The following RSRC1 variants were observed in gnomAD, a reference collection of about 807,000 sequenced individuals.
RSRC1 encodes serine/Arginine-related protein 53.
RSRC1 carries 39 observed loss-of-function variants against 49.1 expected under a neutral mutation model. The ratio of observed to expected loss-of-function variants is 0.79; its 90% CI spans 0.61 to 1.04. The LOEUF (loss-of-function observed/expected upper bound fraction) is 1.04, where lower values mean the gene tolerates loss of function less well. RSRC1 is among the 50% of genes least tolerant of loss of function. The pLI, the probability that RSRC1 is intolerant of heterozygous loss-of-function variation, is 0.00. For missense variants in RSRC1, 388 were observed against 402.4 expected, an observed-to-expected ratio of 0.96 and a Z score of 0.31; for synonymous variants, 143 against 130.8, an observed-to-expected ratio of 1.09 and a Z score of -0.63.
chr3:158,517,478 T>G (rs1740637042), intron 7 of RSRC1, among the ~76,000 whole-genome samples: 1 of 152,176 alleles, frequency 6.6e-6, no homozygotes, highest in African/African-American at 2.4e-5. Context: ...GATACTTGCT[T>G]TATCTTTTTT....
chr3:158,195,378 A>T (rs1193517), intron 3 of RSRC1, among the ~76,000 whole-genome samples: 97,166 of 148,592 alleles, frequency 0.65, 31,959 homozygotes, highest in East Asian at 0.84. Context: ...GTTTGAGTTC[A>T]TTGTAGATTC....
chr3:158,220,050 C>A (rs1441593911), intron 4 of RSRC1, among the ~76,000 whole-genome samples: 3 of 151,560 alleles, frequency 2.0e-5, no homozygotes, highest in Non-Finnish European at 4.4e-5. Context: ...GCTGTGTGAT[C>A]CTAGTCAAGT....
At chr3:158,493,891 G>GTTACATA (rs1739198554) in intron 7 of RSRC1, among the ~76,000 whole-genome samples, 1 of 152,128 alleles carries the variant, frequency 6.6e-6, no homozygotes, top group Non-Finnish European at 1.5e-5. Context: ...ATAAGGACTC[G>GTTACATA]AGTATGGAGG....
In RSRC1 at chr3:158,212,096, G is replaced by C. The variant is rs1330667877; in HGVS notation, c.494+8851G>C. Reference sequence around the variant, plus strand: ...ATTGTATTTGTACCTAATCTGAACAGAGTTTTGTAATGTTACGATTACAAA... The same window carrying C: ...ATTGTATTTGTACCTAATCTGAACACAGTTTTGTAATGTTACGATTACAAA... On this transcript the variant is annotated intron_variant, in intron 4 of 9. Coordinates refer to ENST00000611884, the MANE Select transcript of RSRC1 (RefSeq NM_001271838.2). Among the ~76,000 whole-genome samples, 4 of 151,836 alleles carry C rather than the reference G, an allele frequency of 2.6e-5. 1 individual carries two copies. Among genetic ancestry groups the C allele is most frequent in the African/African-American group, 9.7e-5 (4 of 41,386 alleles).
At chr3:158,127,766 T>C (rs1715727559) in intron 3 of RSRC1, among the ~76,000 whole-genome samples, 1 of 149,590 alleles carries the variant, frequency 6.7e-6, no homozygotes, top group Non-Finnish European at 1.5e-5. Flanking sequence ...GTTTTTTTTT[T>C]TTTTTTTTTT....
At chr3:158,430,076 A>AAAAATAAAAG (rs1553804858) in intron 6 of RSRC1, among the ~76,000 whole-genome samples, 36 of 149,672 alleles carry the variant, frequency 2.4e-4, no homozygotes, top group African/African-American at 7.9e-4. Flanking sequence ...CACACACAAA[A>AAAAATAAAAG]AAAATAAAAT....
chr3:158,511,976 T>C (rs1316234734), intron 7 of RSRC1, among the ~76,000 whole-genome samples: 1 of 150,884 alleles, frequency 6.6e-6, no homozygotes, highest in African/African-American at 2.4e-5. Context: ...GGTTGTTTTT[T>C]TCTTGTAAAT....
rs148526423 is a variant in RSRC1, at chr3:158,285,243, A to G, written c.495-12796A>G. ...ATTTCTGAGGGCTCTGTTCTGTTCC[A>G]TTGATCTATATCTCTGTTTTGGTAG... On this transcript the variant is annotated intron_variant, in intron 4 of 9. Transcript: ENST00000611884. Among the ~76,000 whole-genome samples the G allele has an allele frequency of 4.7e-3, 718 of 152,222 alleles. 4 individuals are homozygous for G. The highest frequency in any genetic ancestry group is 0.016 in the African/African-American group (672 of 41,530).
chr3:158,268,899 CT>C (rs1725352937), intron 4 of RSRC1, among the ~76,000 whole-genome samples: 2 of 152,112 alleles, frequency 1.3e-5, no homozygotes, highest in African/African-American at 4.8e-5. Context: ...TCATAGTAGA[CT>C]TTCTCTGTTA....
chr3:158,199,861 G>A (rs931033679), intron 3 of RSRC1, among the ~76,000 whole-genome samples: 3 of 151,836 alleles, frequency 2.0e-5, no homozygotes, highest in Non-Finnish European at 4.4e-5. Context: ...ATTCTGTTTT[G>A]GTCAGAGAAA....
intron 4 of RSRC1, among the ~76,000 whole-genome samples, chr3:158,275,402 T>C (rs1725750229): frequency 6.6e-6 from 1 of 152,184 alleles, no homozygotes; most frequent in Non-Finnish European, 1.5e-5. Flanking sequence ...AAAAAGTCTG[T>C]ACCTGCCAAA....
chr3:158,350,120 T>C (rs1730784406), intron 5 of RSRC1, among the ~76,000 whole-genome samples: 1 of 149,414 alleles, frequency 6.7e-6, no homozygotes, highest in African/African-American at 2.5e-5. Flanking sequence ...TGATATTGGG[T>C]GTTGGTTTTT....
At chr3:158,345,547 AAAG>A in intron 5 of RSRC1, among the ~76,000 whole-genome samples, 1 of 152,202 alleles carries the variant, frequency 6.6e-6, no homozygotes, top group Non-Finnish European at 1.5e-5. Flanking sequence ...CCTTTAAACA[AAAG>A]AAGAAAAAAG....
rs185278537 is a variant in RSRC1, at chr3:158,298,007, A to C, written c.495-32A>C. ...AAATTAGAGCAGACAAGGATTTAGC[A>C]ACTATTTAGAACTTTTACTCTTCTA... On this transcript the variant is annotated intron_variant, in intron 4 of 9. Coordinates refer to ENST00000611884, the MANE Select transcript of RSRC1 (RefSeq NM_001271838.2). 502 of 1,516,516 alleles carry C rather than the reference A, an allele frequency of 3.3e-4. 5 individuals are homozygous for C. In the East Asian group the frequency reaches 8.4e-3, roughly 25 times the overall value. 93.9% of individuals were successfully genotyped at this position (1,516,516 alleles called of 1,614,324 possible). A position where few individuals can be genotyped will look rare whatever the true frequency, so the allele number is the denominator to read the frequency against.
intron 4 of RSRC1, among the ~76,000 whole-genome samples, chr3:158,220,010 T>C (rs947974953): frequency 6.6e-6 from 1 of 151,628 alleles, no homozygotes; most frequent in Non-Finnish European, 1.5e-5. Flanking sequence ...CTTGTAGACC[T>C]GCCTTTAAGT....
At chr3:158,208,849 G>C (rs1046919602) in intron 4 of RSRC1, among the ~76,000 whole-genome samples, 1 of 152,152 alleles carries the variant, frequency 6.6e-6, no homozygotes, top group Admixed American at 6.5e-5. Context: ...AATTTGATTT[G>C]ATGATGGTGA....
chr3:158,221,208 A>G (rs960235253), intron 4 of RSRC1, among the ~76,000 whole-genome samples: 2 of 151,670 alleles, frequency 1.3e-5, no homozygotes, highest in South Asian at 2.1e-4. Flanking sequence ...CTTTGGAACT[A>G]TAATAAATAG....
At chr3:158,408,157 A>G (rs2362968) in intron 6 of RSRC1, among the ~76,000 whole-genome samples, 79,116 of 152,020 alleles carry the variant, frequency 0.52, 21,040 homozygotes, top group African/African-American at 0.61. Context: ...CCCCATACTG[A>G]GATTGGCTCT....
At chr3:158,502,819 C>G (rs909927067) in intron 7 of RSRC1, among the ~76,000 whole-genome samples, 5 of 152,166 alleles carry the variant, frequency 3.3e-5, no homozygotes, top group African/African-American at 1.2e-4. Flanking sequence ...CTGGTACCTC[C>G]CTGATTAGCT....
Sources: allele counts gnomAD v4.1 joint callset (sites outside exome capture counted in the v4.1 genomes callset), GRCh38; gene constraint gnomAD v4.1.1; transcripts MANE v1.5; gene names NCBI Gene and HGNC (gene_info 2026-07-23, HGNC 2026-07-21).